Variants in OR56A3 observed in about 807,000 individuals in gnomAD.
OR56A3 encodes olfactory receptor 56A3.
Under a neutral mutation model 17.5 loss-of-function variants are expected in OR56A3, and 23 were observed. That is an observed-to-expected ratio of 1.32 (90% confidence interval 0.95 to 1.87). The LOEUF is 1.87. Among genes scored for constraint, OR56A3 ranks in the 40% most tolerant of loss-of-function variants. OR56A3 has a pLI of 0.00. For synonymous variants in OR56A3, 175 were observed against 150.6 expected, an observed-to-expected ratio of 1.16 and a Z score of -1.19; for missense variants, 366 against 380.1, an observed-to-expected ratio of 0.96 and a Z score of 0.31.
chr11:6,020,998 A>C, the OR56A3 span: 4 of 152,210 alleles, frequency 2.6e-5, no homozygotes, highest in South Asian at 8.3e-4. Flanking sequence ...CCTGAGAAAA[A>C]GTTAGATGAT....
At chr11:6,017,453 C>T in the OR56A3 span, among the ~76,000 whole-genome samples, 1 of 152,264 alleles carries the variant, frequency 6.6e-6, no homozygotes, top group South Asian at 2.1e-4. Flanking sequence ...GAGCATCTGT[C>T]AGATTAAGGG....
At chr11:5,969,858 TA>T in the OR56A3 span, among the ~76,000 whole-genome samples, 5 of 152,310 alleles carry the variant, frequency 3.3e-5, no homozygotes, top group Non-Finnish European at 7.3e-5. Context: ...ACTGTGTGAA[TA>T]AATAGCTCTG....
chr11:5,986,920 A>G, the OR56A3 span: 2 of 1,612,384 alleles, frequency 1.2e-6, no homozygotes, highest in Non-Finnish European at 1.7e-6. Context: ...GAAAAAAGAA[A>G]CCAAAGTCAT....
At chr11:5,994,416 C>T in the OR56A3 span, 21 of 728,088 alleles carry the variant, frequency 2.9e-5, no homozygotes, top group Non-Finnish European at 5.1e-5. Context: ...TTCCTGATGT[C>T]TGCCATGATC....
downstream of OR56A3, among the ~76,000 whole-genome samples, chr11:5,952,388 G>T (rs1590448311): frequency 6.6e-6 from 1 of 152,092 alleles, no homozygotes; most frequent in Non-Finnish European, 1.5e-5. Context: ...AAAACAGAAA[G>T]CCCTTCATCA....
chr11:5,986,437 A>G, the OR56A3 span: 1 of 1,613,890 alleles, frequency 6.2e-7, no homozygotes, highest in South Asian at 1.1e-5. Flanking sequence ...CACCAGCACC[A>G]CCATTCCGAT....
At chr11:5,971,113 A>G in the OR56A3 span, among the ~76,000 whole-genome samples, 1 of 152,148 alleles carries the variant, frequency 6.6e-6, no homozygotes, top group Non-Finnish European at 1.5e-5. Context: ...GGAATCTTAA[A>G]CAAGTCATTC....
chr11:5,973,359 T>TA, the OR56A3 span, among the ~76,000 whole-genome samples: 1 of 152,316 alleles, frequency 6.6e-6, no homozygotes, highest in Non-Finnish European at 1.5e-5. Context: ...AACTGGACTG[T>TA]AAGCTTCATG....
At chr11:6,011,540 C>G in the OR56A3 span, among the ~76,000 whole-genome samples, 129 of 152,192 alleles carry the variant, frequency 8.5e-4, 2 homozygotes, top group South Asian at 0.026. Flanking sequence ...TTCAATTCAT[C>G]CTGAAAGTAC....
chr11:5,954,774 C>T (rs904200495), downstream of OR56A3, among the ~76,000 whole-genome samples: 1 of 152,092 alleles, frequency 6.6e-6, no homozygotes, highest in South Asian at 2.1e-4. Context: ...GAACAACATA[C>T]AGCCCTAGAT....
chr11:5,970,961 A>G, the OR56A3 span, among the ~76,000 whole-genome samples: 7 of 152,244 alleles, frequency 4.6e-5, no homozygotes, highest in Admixed American at 3.3e-4. Flanking sequence ...AAAAATAAAA[A>G]AGGAAAATAT....
the OR56A3 span, among the ~76,000 whole-genome samples, chr11:6,008,905 G>T: frequency 6.6e-6 from 1 of 151,538 alleles, no homozygotes; most frequent in Non-Finnish European, 1.5e-5. Flanking sequence ...GATATTAATG[G>T]GTCATGTTAT....
At chr11:5,986,617 A>G in the OR56A3 span, 1 of 1,613,920 alleles carries the variant, frequency 6.2e-7, no homozygotes, top group Non-Finnish European at 8.5e-7. Flanking sequence ...GTGGGCATGA[A>G]CCAGGAGCAC....
At chr11:6,010,155 A>G in the OR56A3 span, among the ~76,000 whole-genome samples, 1 of 152,300 alleles carries the variant, frequency 6.6e-6, no homozygotes, top group East Asian at 1.9e-4. Flanking sequence ...ACCATTTTAA[A>G]CATAGCTATG....
chr11:5,945,389 A>G (rs988251942), intron 2 of OR56A3, among the ~76,000 whole-genome samples: 1 of 152,082 alleles, frequency 6.6e-6, no homozygotes, highest in African/African-American at 2.4e-5. Flanking sequence ...CCTGGCCAAC[A>G]TGGTGAAACC....
the OR56A3 span, among the ~76,000 whole-genome samples, chr11:5,966,231 G>A: frequency 0.077 from 11,228 of 145,880 alleles, 881 homozygotes; most frequent in African/African-American, 0.2. Flanking sequence ...AAAAAAAACC[G>A]GGCATGGTGG....
the OR56A3 span, among the ~76,000 whole-genome samples, chr11:5,983,911 A>G: frequency 6.6e-6 from 1 of 152,234 alleles, no homozygotes; most frequent in Admixed American, 6.5e-5. Flanking sequence ...CCTAACCTGC[A>G]TAAGAGCCTG....
intron 1 of OR56A3, among the ~76,000 whole-genome samples, chr11:5,944,468 G>T (rs533972040): frequency 6.6e-6 from 1 of 152,196 alleles, no homozygotes; most frequent in South Asian, 2.1e-4. Flanking sequence ...AGTGTGGGTG[G>T]AAAAGAAAAA....
At chr11:6,012,350 C>A in the OR56A3 span, among the ~76,000 whole-genome samples, 1 of 152,152 alleles carries the variant, frequency 6.6e-6, no homozygotes, top group African/African-American at 2.4e-5. Context: ...TAGGTCATGC[C>A]AACAAATTGT....
Sources: gnomAD v4.1 joint callset for allele counts (sites outside exome capture counted in the v4.1 genomes callset) on GRCh38, gnomAD v4.1.1 for gene constraint, MANE v1.5 for transcripts, NCBI Gene and HGNC (gene_info 2026-07-23, HGNC 2026-07-21) for gene names.